The following MYH14 variants were observed in gnomAD, a reference collection of about 807,000 sequenced individuals.
The protein encoded by MYH14 is myosin heavy chain 14, also known as myosin-14.
Under a neutral mutation model 255.5 loss-of-function variants are expected in MYH14, and 123 were observed. That is an observed-to-expected ratio of 0.48 (90% CI 0.42 to 0.56). MYH14 has a LOEUF of 0.56. Ranked by LOEUF, MYH14 falls within the 20% of genes least tolerant of loss-of-function variation. The pLI is 0.00. For missense variants in MYH14, 2,423 were observed against 2,802.3 expected (o/e 0.86, Z 3.06); for synonymous variants, 1,095 against 1,161.2 (o/e 0.94, Z 1.16).
At chr19:50,308,904 A>T in intron 41 of MYH14, 101 bp from the exon 42 acceptor site, 2 of 1,145,206 alleles carry the variant, frequency 1.7e-6, no homozygotes, top group Non-Finnish European at 2.5e-6. Flanking sequence ...GGGCAGAGAG[A>T]GTCAGGGGGC....
chr19:50,309,249 C>A, intron 42 of MYH14, 72 bp downstream of exon 42: 1 of 1,458,824 alleles, frequency 6.9e-7, no homozygotes, highest in Non-Finnish European at 9.6e-7. Flanking sequence ...GGACGCGAGG[C>A]CGTGCCAGGG....
intron 3 of MYH14, among the ~76,000 whole-genome samples, chr19:50,220,984 C>T (rs565667452): frequency 6.6e-6 from 1 of 152,260 alleles, no homozygotes; most frequent in African/African-American, 2.4e-5. Context: ...TTCATTTAAC[C>T]TCGTAGCAAA....
rs1273729767 is a variant in MYH14 at position 50,289,394 on chromosome 19, G to A, written c.4753-42G>A. Reference sequence around the variant, plus strand: ...TCTAGCTAGGCTCCTAACCTCCTCTGCCTCAGTGACCCAGGTACCCAGCAG... The same window carrying A: ...TCTAGCTAGGCTCCTAACCTCCTCTACCTCAGTGACCCAGGTACCCAGCAG... On this transcript the variant is annotated intron_variant, in intron 34 of 42. Transcript: ENST00000642316. 4 of 1,535,592 alleles carry A rather than the reference G, an allele frequency of 2.6e-6. No individual in the cohort carries two copies. In the East Asian group the frequency reaches 9.5e-5, roughly 37 times the overall value.
chr19:50,307,256 A>T (rs987538867), intron 41 of MYH14, 99 bp downstream of exon 41: 10 of 713,630 alleles, frequency 1.4e-5, no homozygotes, highest in Non-Finnish European at 2.4e-5. Flanking sequence ...CATCACAAGA[A>T]GCAATGTGCA....
intron 11 of MYH14, among the ~76,000 whole-genome samples, chr19:50,245,600 A>G (rs2034081386): frequency 6.6e-6 from 1 of 152,166 alleles, no homozygotes; most frequent in Non-Finnish European, 1.5e-5. Context: ...CAGAAATGGA[A>G]TCGTGCTTCA....
chr19:50,249,062 C>T lies in MYH14; in HGVS notation c.1405C>T (p.Arg469Trp), dbSNP rs746502994. The T allele has an allele frequency of 9.3e-6, 15 of 1,611,228 alleles. No homozygotes were observed. Among genetic ancestry groups the T allele is most frequent in the African/African-American group, 2.7e-5 (2 of 74,912 alleles). The part of the protein sequence containing the change: ...LFRWLVLRLN[R>W]ALDRSPRQGA... ...CCGCTGGCTGGTTCTGCGCCTCAAC[C>T]GGGCCTTGGACCGCAGCCCCCGCCA... The change falls in exon 13 of 43, where the codon CGG (arginine) becomes TGG (tryptophan). Residue 469 changes from arginine (R) to tryptophan (W), a missense_variant. By Grantham distance (101) the Arg-to-Trp change is moderately radical. This residue lies in a region of MYH14 where 672 missense variants were observed against 881.8 expected (regional missense o/e 0.76). Coordinates refer to ENST00000642316, the MANE Select transcript of MYH14 (RefSeq NM_001145809.2).
chr19:50,210,288 G>A, intron 1 of MYH14, 75 bp from the exon 2 acceptor site: 2 of 1,373,746 alleles, frequency 1.5e-6, no homozygotes, highest in Admixed American at 5.3e-5. Context: ...GCTGCCTGGG[G>A]AATTTGGGGT....
intron 18 of MYH14, chr19:50,258,721 CAAA>C (rs1160071813): frequency 2.4e-4 from 8 of 33,958 alleles, no homozygotes; most frequent in African/African-American, 2.8e-4. Context: ...GACTCTGTCT[CAAA>C]AAAAAAAAAA....
chr19:50,233,837 T>C (rs2033531454), intron 10 of MYH14, among the ~76,000 whole-genome samples: 1 of 22,112 alleles, frequency 4.5e-5, no homozygotes, highest in South Asian at 2.2e-3. Context: ...CCCAACCTTT[T>C]TGTTTTTTTG....
chr19:50,244,362 A>G (rs765230782), intron 11 of MYH14, 25 bp downstream of exon 11: 3 of 1,603,336 alleles, frequency 1.9e-6, no homozygotes, highest in Non-Finnish European at 2.6e-6. Flanking sequence ...CTGCCTGCCC[A>G]CGACCTCCAG....
chr19:50,301,574 C>A, intron 39 of MYH14, 87 bp from the exon 40 acceptor site: 2 of 912,510 alleles, frequency 2.2e-6, no homozygotes, highest in Admixed American at 1.9e-5. Context: ...ATCATCAGTG[C>A]ACTTAATTCT....
intron 18 of MYH14, 28 bp from the exon 19 acceptor site, chr19:50,259,116 C>T (rs985799623): frequency 9.7e-6 from 15 of 1,538,528 alleles, no homozygotes; most frequent in Non-Finnish European, 1.2e-5. Context: ...CCGCCGCTGA[C>T]CCCCGCGTGT....
intron 2 of MYH14, among the ~76,000 whole-genome samples, chr19:50,211,271 C>G (rs1322065851): frequency 1.3e-5 from 2 of 152,116 alleles, no homozygotes; most frequent in Non-Finnish European, 2.9e-5. Context: ...GAGGTCAAGG[C>G]TGCAGTGAGC....
intron 12 of MYH14, 124 bp downstream of exon 12, chr19:50,247,246 C>T (rs774691505): frequency 2.7e-5 from 18 of 663,874 alleles, no homozygotes; most frequent in African/African-American, 7.1e-5. Flanking sequence ...GCTCCGTTAC[C>T]GATCCTGGTC....
chr19:50,267,279 G>A (rs1328595532), intron 23 of MYH14, among the ~76,000 whole-genome samples: 1 of 151,858 alleles, frequency 6.6e-6, no homozygotes, highest in Non-Finnish European at 1.5e-5. Flanking sequence ...GAGTCCTGCA[G>A]AGCCAGAATG....
At chr19:50,211,695 G>A (rs2032202717) in intron 2 of MYH14, among the ~76,000 whole-genome samples, 1 of 152,142 alleles carries the variant, frequency 6.6e-6, no homozygotes, top group Non-Finnish European at 1.5e-5. Flanking sequence ...TTAAGATTGA[G>A]ATGGGGCTGG....
In MYH14 at chr19:50,292,364, A is replaced by G; in HGVS notation, c.5231A>G (p.Glu1744Gly). The G allele has an allele frequency of 1.3e-6, 2 of 1,589,086 alleles. No individual in the cohort carries two copies. The highest frequency in any genetic ancestry group is 8.6e-7 in the Non-Finnish European group (1 of 1,168,482). ...RESEKRLKGL[E>G]AEVLRLQEEL... The stretch of plus-strand genomic sequence containing the variant: ...AGTGAAAAGCGCCTCAAGGGCCTGG[A>G]GGCTGAGGTGCTGCGGCTGCAGGAG... Residue 1744 changes from glutamate to glycine, a missense_variant, in exon 37 of 43, where the codon GAG (glutamate) becomes GGG (glycine). Transcript: ENST00000642316.
intron 34 of MYH14, among the ~76,000 whole-genome samples, chr19:50,287,844 A>C (rs1294957778): frequency 6.6e-6 from 1 of 152,190 alleles, no homozygotes; most frequent in Non-Finnish European, 1.5e-5. Context: ...ACACAGCCTG[A>C]GAACCACTCC....
chr19:50,244,934 G>A (rs903560680), intron 11 of MYH14, among the ~76,000 whole-genome samples: 13 of 152,248 alleles, frequency 8.5e-5, no homozygotes, highest in Admixed American at 6.5e-4. Flanking sequence ...CTCCCCACAG[G>A]GAGCCACCAT....
Sources: allele counts gnomAD v4.1 joint callset (sites outside exome capture counted in the v4.1 genomes callset), GRCh38; gene constraint gnomAD v4.1.1; regional missense constraint gnomAD v4.1.1; transcripts MANE v1.5; gene names NCBI Gene and HGNC (gene_info 2026-07-23, HGNC 2026-07-21).